CCDC110: variants seen among roughly 807,000 people sequenced by gnomAD.
CCDC110 encodes the protein coiled-coil domain containing 110, also known as coiled-coil domain-containing protein 110.
In CCDC110, 70 loss-of-function variants were observed where a neutral mutation model predicts 77.1. The observed-to-expected ratio is 0.91, with a 90% CI of 0.75 to 1.11. CCDC110 has a LOEUF of 1.11. Among genes scored for constraint, CCDC110 ranks in the 50% least tolerant of loss-of-function variants. CCDC110 has a pLI of 0.00. For synonymous variants in CCDC110, 295 were observed against 312.5 expected, an observed-to-expected ratio of 0.94 and a Z score of 0.59; for missense variants, 868 against 942.9, an observed-to-expected ratio of 0.92 and a Z score of 1.04.
chr4:185,458,543 T>C lies in CCDC110; in HGVS notation c.2044A>G (p.Asn682Asp), dbSNP rs1255675481. ...AEENFLQEIK[N>D]AKSEASIYKN... ...TAAATACTTGCTTCTGATTTTGCAT[T>C]TTTTATTTCTTGCAGAAAATTCTCT... Residue 682 changes from asparagine (N) to aspartate (D), a missense_variant, in exon 6 of 7, where the codon AAT becomes GAT. Asn to Asp is a conservative substitution (Grantham distance 23). Coordinates refer to ENST00000307588, the MANE Select transcript of CCDC110 (RefSeq NM_152775.4). The C allele has an allele frequency of 6.2e-7, 1 of 1,608,184 alleles. No individual in the cohort carries two copies. Among genetic ancestry groups the C allele is most frequent in the East Asian group, 2.2e-5 (1 of 44,720 alleles).
Position 185,459,766 on chromosome 4 carries a change from T to A in CCDC110, c.821A>T (p.Asp274Val). The A allele has an allele frequency of 1.2e-6, 2 of 1,613,802 alleles. No individual in the cohort carries two copies. Among genetic ancestry groups the A allele is most frequent in the Non-Finnish European group, 1.7e-6 (2 of 1,179,912 alleles). ...GTCATATTTACCATTCCTGTGAACA[T>A]CTGGATCAGTTTGTAAAGTCTGAAG... ...NELQTLQTDP[D>V]VHRNGKYDMS... The change falls in exon 6 of 7, where the codon GAT becomes GTT. Residue 274 changes from aspartate (D) to valine (V), a missense_variant. By Grantham distance (152) the Asp-to-Val change is radical. Transcript: ENST00000307588.
intron 6 of CCDC110, among the ~76,000 whole-genome samples, chr4:185,451,796 C>T (rs909104083): frequency 1.1e-4 from 16 of 152,130 alleles, no homozygotes; most frequent in Admixed American, 2.0e-4. Flanking sequence ...CATAATTGTT[C>T]ATTTTAATCT....
At position 185,449,980 on chromosome 4, in the gene CCDC110, G is replaced by C. The variant is rs1350345713; in HGVS notation, c.2462-4438C>G. Among the ~76,000 whole-genome samples, 3 of 152,206 alleles carry C rather than the reference G, an allele frequency of 2.0e-5. No individual in the cohort carries two copies. In the East Asian group the frequency reaches 5.8e-4, roughly 29 times the overall value. On this transcript the variant is annotated intron_variant, in intron 6 of 6. Transcript: ENST00000307588. ...AGGGGAGGAGCGGAAGAGACTGCTGGAAGGGTAGAAAGTATACAATAAATT... is the reference window on the plus strand; with the variant it reads ...AGGGGAGGAGCGGAAGAGACTGCTGCAAGGGTAGAAAGTATACAATAAATT...
At chr4:185,470,781 C>A in intron 2 of CCDC110, 164 bp downstream of exon 2, 1 of 716,024 alleles carries the variant, frequency 1.4e-6, no homozygotes, top group South Asian at 1.4e-5. Context: ...AACAGTTGAT[C>A]CATTACGTGC....
chr4:185,469,196 C>T (rs755117082), intron 2 of CCDC110, among the ~76,000 whole-genome samples: 1 of 152,206 alleles, frequency 6.6e-6, no homozygotes, highest in African/African-American at 2.4e-5. Flanking sequence ...GAATGGATCA[C>T]TTGGTGACAA....
rs576367798 is a variant in CCDC110 at position 185,459,791 on chromosome 4, G to T, written c.796C>A (p.Leu266Ile). The T allele has an allele frequency of 2.5e-6, 4 of 1,613,552 alleles. No homozygotes were observed. The highest frequency in any genetic ancestry group is 3.4e-6 in the Non-Finnish European group (4 of 1,179,908). ...TCTGGATCAGTTTGTAAAGTCTGAA[G>T]TTCATTTGTAAGTGCCACTTCCCCA... Reference protein sequence around the residue: ...HDGEVALTNELQTLQTDPDVH... With the variant: ...HDGEVALTNEIQTLQTDPDVH... The change falls in exon 6 of 7, where the codon CTT becomes ATT. Residue 266 changes from leucine (L) to isoleucine (I), a missense_variant. By Grantham distance (5) the Leu-to-Ile change is conservative. Coordinates refer to ENST00000307588, the MANE Select transcript of CCDC110 (RefSeq NM_152775.4).
rs779420959 is a variant in CCDC110 at position 185,468,423 on chromosome 4, A to G, written c.115+2522T>C. 3.9e-5 allele frequency among the ~76,000 whole-genome samples: 6 copies of G among 152,218 alleles called. No individual in the cohort carries two copies. Among genetic ancestry groups the G allele is most frequent in the African/African-American group, 7.2e-5 (3 of 41,454 alleles). On this transcript the variant is annotated intron_variant, in intron 2 of 6. Coordinates refer to ENST00000307588, the MANE Select transcript of CCDC110 (RefSeq NM_152775.4). This position sits in a 1 kb window ranked among gnomAD's most constrained non-coding sequence, Gnocchi z 4.5. ...TTCTAGTCAAGACGGAGGGGAGAGA[A>G]GCCTTCTCAAAATTCTCCAGTGCTT...
rs137900196 is a variant in CCDC110 at position 185,458,679 on chromosome 4, T to C, written c.1908A>G (p.Thr636=). Residue 636 remains threonine (T), a synonymous_variant, in exon 6 of 7, where the codon ACA becomes ACG. Coordinates refer to ENST00000307588, the MANE Select transcript of CCDC110 (RefSeq NM_152775.4). ...CAAGGTTGAGTTTTTCATCTTTAAC[T>C]GTTTCTATTATTTGAAGAAGTGTCT... ...EQETLLQIIE[T]VKDEKLNLET... 2 of 1,604,148 alleles carry C rather than the reference T, an allele frequency of 1.2e-6. No homozygotes were observed. The highest frequency in any genetic ancestry group is 1.3e-5 in the African/African-American group (1 of 74,372).
chr4:185,466,545 TG>T (rs1330384339), intron 2 of CCDC110, among the ~76,000 whole-genome samples: 2 of 150,480 alleles, frequency 1.3e-5, no homozygotes, highest in Non-Finnish European at 1.5e-5. Flanking sequence ...CAGTGCATCC[TG>T]GAAGAGATGT....
At chr4:185,446,205 T>C (rs2095610741) in intron 6 of CCDC110, among the ~76,000 whole-genome samples, 2 of 152,242 alleles carry the variant, frequency 1.3e-5, no homozygotes, top group South Asian at 4.1e-4. Context: ...TCAGCAGAAC[T>C]AATCAGCTAA....
chr4:185,445,357 A>G lies in CCDC110; in HGVS notation c.*145T>C. ...AGAAAGCTTAAGTTATCTGCACCAA[A>G]CCATTCTGTGCATAATTTTTAAAGC... On this transcript the variant is annotated 3_prime_UTR_variant, in exon 7 of 7. Transcript: ENST00000307588. 1 of 758,288 alleles carries G rather than the reference A, an allele frequency of 1.3e-6. No individual in the cohort carries two copies. Among genetic ancestry groups the G allele is most frequent in the Non-Finnish European group, 2.1e-6 (1 of 468,342 alleles). The allele number at this position is 758,288 out of a possible 1,614,324, so 47.0% of individuals were successfully genotyped here. A position where few individuals can be genotyped will look rare whatever the true frequency, so the allele number is the denominator to read the frequency against.
Position 185,468,560 on chromosome 4 carries a change from G to A in CCDC110, c.115+2385C>T, listed in dbSNP as rs1490229764. Among the ~76,000 whole-genome samples, 1 of 152,098 alleles carries A rather than the reference G, an allele frequency of 6.6e-6. No individual in the cohort carries two copies. Among genetic ancestry groups the A allele is most frequent in the Non-Finnish European group, 1.5e-5 (1 of 68,022 alleles). On this transcript the variant is annotated intron_variant, in intron 2 of 6. Coordinates refer to ENST00000307588, the MANE Select transcript of CCDC110 (RefSeq NM_152775.4). This position sits in a 1 kb window ranked among gnomAD's most constrained non-coding sequence, Gnocchi z 4.5. ...TTCTGCTCCATTTACAAGAGCAACC[G>A]TTCCTCAATCACACCAGCCACGCTC...
At chr4:185,461,360 T>C (rs1315320766) in intron 4 of CCDC110, among the ~76,000 whole-genome samples, 1 of 152,238 alleles carries the variant, frequency 6.6e-6, no homozygotes, top group African/African-American at 2.4e-5. Context: ...TGCCTTGTTA[T>C]AATCAGAAGC....
rs139900746 is a variant in CCDC110 at position 185,460,156 on chromosome 4, T to C, written c.431A>G (p.Glu144Gly). ...EDSKTLHSVE[E>G]KLSGDSVNSL... ...GTTCACACTATCACCACTTAATTTT[T>C]CTTCCACTGAATGAAGTGTCTTGGA... Residue 144 changes from glutamate (E) to glycine (G), a missense_variant, in exon 6 of 7, where the codon GAA (glutamate) becomes GGA (glycine). By Grantham distance (98) the Glu-to-Gly change is moderately conservative. Coordinates refer to ENST00000307588, the MANE Select transcript of CCDC110 (RefSeq NM_152775.4). The C allele has an allele frequency of 3.1e-6, 5 of 1,613,002 alleles. No homozygotes were observed. In the Admixed American group the frequency reaches 8.3e-5, roughly 27 times the overall value.
chr4:185,462,533 A>G lies in CCDC110; in HGVS notation c.237+110T>C, dbSNP rs148388771. Reference sequence around the variant, plus strand: ...GAGCCTAGAATATGCTGTGGCCTCTATTATATTAAATTCTGTGTCAGCTAA... The same window carrying G: ...GAGCCTAGAATATGCTGTGGCCTCTGTTATATTAAATTCTGTGTCAGCTAA... On this transcript the variant is annotated intron_variant, in intron 4 of 6. Coordinates refer to ENST00000307588, the MANE Select transcript of CCDC110 (RefSeq NM_152775.4). The G allele has an allele frequency of 1.9e-5, 15 of 799,408 alleles. No homozygotes were observed. The East Asian group carries it at 3.8e-4, about 20-fold the overall frequency. 49.5% of individuals were successfully genotyped at this position (799,408 alleles called of 1,614,324 possible). A position where few individuals can be genotyped will look rare whatever the true frequency, so the allele number is the denominator to read the frequency against.
At chr4:185,458,075 G>A (rs2095638710) in intron 6 of CCDC110, 51 bp downstream of exon 6, 4 of 1,278,872 alleles carry the variant, frequency 3.1e-6, no homozygotes, top group South Asian at 1.7e-5. Context: ...GTGCCCAATA[G>A]GCTAAAAGAA....
intron 6 of CCDC110, among the ~76,000 whole-genome samples, chr4:185,449,249 G>T (rs750192667): frequency 6.6e-6 from 1 of 152,110 alleles, no homozygotes; most frequent in Admixed American, 6.6e-5. Flanking sequence ...TAGGCTGGGC[G>T]TGTTGGCTCG....
rs1339710369 is a variant in CCDC110, at chr4:185,463,056, A to G, written c.116-7T>C. 1 of 1,609,470 alleles carries G rather than the reference A, an allele frequency of 6.2e-7. No homozygotes were observed. Among genetic ancestry groups the G allele is most frequent in the Non-Finnish European group, 8.5e-7 (1 of 1,177,134 alleles). On this transcript the variant is annotated splice_region_variant and splice_polypyrimidine_tract_variant and intron_variant, in intron 2 of 6. Coordinates refer to ENST00000307588, the MANE Select transcript of CCDC110 (RefSeq NM_152775.4). ...TCTGCTATGCAGCCATATTCTAAGA[A>G]GCAAAATTGAAAAACCATGTGACTT...
chr4:185,460,572 G>A (rs2095644242), intron 5 of CCDC110, among the ~76,000 whole-genome samples: 1 of 152,182 alleles, frequency 6.6e-6, no homozygotes, highest in African/African-American at 2.4e-5. Flanking sequence ...GGTCAAATGG[G>A]AGTTTCAGGC....
Sources: gnomAD v4.1 joint callset for allele counts (sites outside exome capture counted in the v4.1 genomes callset) on GRCh38, gnomAD v4.1.1 for gene constraint, Gnocchi (gnomAD v3.1) non-coding constraint, MANE v1.5 for transcripts, NCBI Gene and HGNC (gene_info 2026-07-23, HGNC 2026-07-21) for gene names.